HERC5: variants seen among roughly 807,000 people sequenced by gnomAD.
HERC5 encodes E3 ISG15--protein ligase HERC5.
A neutral mutation model predicts 119.6 loss-of-function variants in HERC5; 99 were observed. The ratio of observed to expected loss-of-function variants is 0.83; its 90% CI spans 0.70 to 0.98. The LOEUF is 0.98. Ranked by LOEUF, HERC5 falls within the 50% of genes least tolerant of loss-of-function variation. HERC5 has a pLI of 0.00. For missense variants in HERC5, 1,267 were observed against 1,241.3 expected, an observed-to-expected ratio of 1.02 and a Z score of -0.31; for synonymous variants, 478 against 445.9, an observed-to-expected ratio of 1.07 and a Z score of -0.91.
At chr4:88,478,099 T>C (rs756765184) in intron 12 of HERC5, among the ~76,000 whole-genome samples, 5 of 152,158 alleles carry the variant, frequency 3.3e-5, no homozygotes, top group African/African-American at 4.8e-5. Context: ...AAATTATTAG[T>C]AGTATTTTTT....
intron 12 of HERC5, among the ~76,000 whole-genome samples, chr4:88,476,477 T>C (rs919799151): frequency 6.6e-6 from 1 of 152,238 alleles, no homozygotes; most frequent in African/African-American, 2.4e-5. Flanking sequence ...ATTGTGCTTT[T>C]GTAATTATGG....
At chr4:88,465,867 C>T (rs1403099175) in intron 6 of HERC5, among the ~76,000 whole-genome samples, 1 of 152,198 alleles carries the variant, frequency 6.6e-6, no homozygotes, top group East Asian at 1.9e-4. Flanking sequence ...TGTCACCTCC[C>T]CTTGGAGCAG....
chr4:88,491,117 A>T (rs1301300067), intron 16 of HERC5, among the ~76,000 whole-genome samples: 1 of 152,128 alleles, frequency 6.6e-6, no homozygotes, highest in African/African-American at 2.4e-5. Context: ...CTGAGGTTTT[A>T]TGAGGTTGGG....
At chr4:88,494,034 TATCTC>T (rs1358246836) in intron 17 of HERC5, 126 bp from the exon 18 acceptor site, 1 of 566,294 alleles carries the variant, frequency 1.8e-6, no homozygotes, top group African/African-American at 2.0e-5. Flanking sequence ...TAAACATTCT[TATCTC>T]AGGCTTTAAA....
At chr4:88,493,372 AT>A (rs1741704741) in intron 17 of HERC5, among the ~76,000 whole-genome samples, 1 of 152,136 alleles carries the variant, frequency 6.6e-6, no homozygotes, top group African/African-American at 2.4e-5. Context: ...CAAGCAATAT[AT>A]TTTTTGATCA....
intron 20 of HERC5, among the ~76,000 whole-genome samples, chr4:88,502,238 G>C (rs751357880): frequency 1.3e-5 from 2 of 152,214 alleles, no homozygotes; most frequent in Non-Finnish European, 2.9e-5. Context: ...AGTGCTTGGT[G>C]CCTTGTGGTT....
chr4:88,504,563 C>A lies in HERC5; in HGVS notation c.2835C>A (p.His945Gln). The change falls in exon 22 of 23, where the codon CAC becomes CAA. Residue 945 changes from histidine (H) to glutamine (Q), a missense_variant. Physicochemically the swap from His to Gln is conservative, Grantham distance 24. Around this residue, in one of 3 missense-constraint regions of HERC5, gnomAD observed 473 missense variants for 445.7 expected, o/e 1.06. Coordinates refer to ENST00000264350, the MANE Select transcript of HERC5 (RefSeq NM_016323.4). ...TAGTGATGTTTTGGAAGGCTTTCCA[C>A]AAATTGACTCTGGAAGAAAAGAAAA... ...PTIVMFWKAF[H>Q]KLTLEEKKKF... 6.4e-7 allele frequency: 1 copy of A among 1,573,410 alleles called. No individual in the cohort carries two copies. Among genetic ancestry groups the A allele is most frequent in the Non-Finnish European group, 8.6e-7 (1 of 1,163,270 alleles).
chr4:88,505,892 C>A lies in HERC5; in HGVS notation c.*14C>A. Reference sequence around the variant, plus strand: ...GGATTTGGCTGACCAGCTTGCTTGTCCAACAGCCTTATTTTGTTGTTGTTA... The same window carrying A: ...GGATTTGGCTGACCAGCTTGCTTGTACAACAGCCTTATTTTGTTGTTGTTA... On this transcript the variant is annotated 3_prime_UTR_variant, in exon 23 of 23. Transcript: ENST00000264350. 6.3e-7 allele frequency: 1 copy of A among 1,577,506 alleles called. No individual in the cohort carries two copies. The highest frequency in any genetic ancestry group is 8.7e-7 in the Non-Finnish European group (1 of 1,154,602).
chr4:88,485,984 T>C, intron 13 of HERC5, 131 bp from the exon 14 acceptor site: 1 of 471,058 alleles, frequency 2.1e-6, no homozygotes, highest in Non-Finnish European at 3.8e-6. Context: ...AGTGGAGGAA[T>C]TGGATAGAAT....
chr4:88,479,393 A>G lies in HERC5; in HGVS notation c.1623A>G (p.Lys541=). ...CTCTGCAAGAATCCACTTTCAGCAA[A>G]CTGGTCCAGATGTTTAAAACAGCCG... ...WATLQESTFS[K]LVQMFKTAVI... The change falls in exon 13 of 23, where the codon AAA becomes AAG. Residue 541 remains lysine (K), a synonymous_variant. Coordinates refer to ENST00000264350, the MANE Select transcript of HERC5 (RefSeq NM_016323.4). 2 of 1,611,372 alleles carry G rather than the reference A, an allele frequency of 1.2e-6. No homozygotes were observed. Among genetic ancestry groups the G allele is most frequent in the Non-Finnish European group, 1.7e-6 (2 of 1,179,266 alleles).
intron 6 of HERC5, among the ~76,000 whole-genome samples, chr4:88,466,832 G>A (rs1394709181): frequency 6.6e-6 from 1 of 152,166 alleles, no homozygotes; most frequent in African/African-American, 2.4e-5. Context: ...TTCAACAAAG[G>A]GAACACCATT....
Position 88,457,236 on chromosome 4 carries a change from C to G in HERC5, c.-34C>G. 2 of 1,300,696 alleles carry G rather than the reference C, an allele frequency of 1.5e-6. No homozygotes were observed. The highest frequency in any genetic ancestry group is 2.0e-6 in the Non-Finnish European group (2 of 1,023,200). 80.6% of individuals were successfully genotyped at this position (1,300,696 alleles called of 1,614,324 possible). A position where few individuals can be genotyped will look rare whatever the true frequency, so the allele number is the denominator to read the frequency against. The stretch of plus-strand genomic sequence containing the variant: ...GTCCCGGGACCAGGCGTTCTCTCCT[C>G]TCGCCTCTGGGCCTGGGACCCCGCA... On this transcript the variant is annotated 5_prime_UTR_variant, in exon 1 of 23. Transcript: ENST00000264350.
intron 13 of HERC5, among the ~76,000 whole-genome samples, chr4:88,483,543 T>TC (rs1310830440): frequency 3.4e-5 from 5 of 146,198 alleles, no homozygotes; most frequent in East Asian, 2.0e-4. Flanking sequence ...TTTTTTTTTT[T>TC]CCTGAGACAG....
chr4:88,462,364 A>T lies in HERC5; in HGVS notation c.688+8A>T. ...GCCTGGGCCACACTGAGAGTATGGA[A>T]CACATTCTCAGATTCCTATTACCAA... On this transcript the variant is annotated splice_region_variant and intron_variant, in intron 4 of 22. Transcript: ENST00000264350. 1 of 1,597,538 alleles carries T rather than the reference A, an allele frequency of 6.3e-7. No individual in the cohort carries two copies. The highest frequency in any genetic ancestry group is 8.6e-7 in the Non-Finnish European group (1 of 1,164,962).
Position 88,500,993 on chromosome 4 carries a change from C to A in HERC5, c.2582+8C>A. The A allele has an allele frequency of 6.3e-7, 1 of 1,590,356 alleles. No individual in the cohort carries two copies. On this transcript the variant is annotated splice_region_variant and intron_variant, in intron 20 of 22. Transcript: ENST00000264350. ...TGTCAACCAGACTAACAAGTAGGTA[C>A]AAAAAATGAAATAGTTGGTTTGTAT...
chr4:88,480,443 T>TG (rs1741242015), intron 13 of HERC5, among the ~76,000 whole-genome samples: 1 of 142,968 alleles, frequency 7.0e-6, no homozygotes, highest in African/African-American at 2.5e-5. Flanking sequence ...TTCTTGTGTG[T>TG]GTTTTTTTTT....
Position 88,504,564 on chromosome 4 carries a change from A to C in HERC5, c.2836A>C (p.Lys946Gln). Reference sequence around the variant, plus strand: ...AGTGATGTTTTGGAAGGCTTTCCACAAATTGACTCTGGAAGAAAAGAAAAA... The same window carrying C: ...AGTGATGTTTTGGAAGGCTTTCCACCAATTGACTCTGGAAGAAAAGAAAAA... ...TIVMFWKAFH[K>Q]LTLEEKKKFL... Residue 946 changes from lysine to glutamine, a missense_variant, in exon 22 of 23, where the codon AAA becomes CAA. Transcript: ENST00000264350. The C allele has an allele frequency of 6.3e-7, 1 of 1,575,382 alleles. No homozygotes were observed. The highest frequency in any genetic ancestry group is 8.6e-7 in the Non-Finnish European group (1 of 1,164,472).
intron 3 of HERC5, among the ~76,000 whole-genome samples, chr4:88,461,711 T>A (rs1415063572): frequency 6.6e-6 from 1 of 152,216 alleles, no homozygotes; most frequent in Admixed American, 6.5e-5. Context: ...TTATTTGGGA[T>A]CTTGTAATTT....
chr4:88,476,112 A>G, intron 12 of HERC5, 82 bp downstream of exon 12: 2 of 1,095,884 alleles, frequency 1.8e-6, no homozygotes, highest in Non-Finnish European at 2.7e-6. Flanking sequence ...AAACTAAGAT[A>G]CTTAGAAATG....
Sources: allele counts gnomAD v4.1 joint callset (sites outside exome capture counted in the v4.1 genomes callset), GRCh38; gene constraint gnomAD v4.1.1; regional missense constraint gnomAD v4.1.1; transcripts MANE v1.5; gene names NCBI Gene and HGNC (gene_info 2026-07-23, HGNC 2026-07-21).